The following EEF1D variants were observed in gnomAD, a reference collection of about 807,000 sequenced individuals.
The protein encoded by EEF1D is eukaryotic translation elongation factor 1 delta.
A neutral mutation model predicts 63.9 loss-of-function variants in EEF1D; 47 were observed. That is an observed-to-expected ratio of 0.74 (90% CI 0.58 to 0.94). The LOEUF is 0.94. Ranked by LOEUF, EEF1D falls within the 40% of genes least tolerant of loss-of-function variation. EEF1D has a pLI of 0.00. For synonymous variants in EEF1D, 412 were observed against 386.1 expected (o/e 1.07, Z -0.79); for missense variants, 907 against 899.0 (o/e 1.01, Z -0.11).
At chr8:143,584,791 G>A (rs1826252098) in intron 5 of EEF1D, among the ~76,000 whole-genome samples, 2 of 152,112 alleles carry the variant, frequency 1.3e-5, no homozygotes, top group Non-Finnish European at 2.9e-5. Context: ...ACACAGGAGC[G>A]CTCCCTTCAA....
chr8:143,582,866 C>T (rs1310916844), intron 5 of EEF1D: 2 of 152,386 alleles, frequency 1.3e-5, no homozygotes, highest in East Asian at 1.9e-4. Flanking sequence ...AAGGCAAACA[C>T]TTCAGAGCCA....
Position 143,580,705 on chromosome 8 carries a change from ACTTGG to A in EEF1D, c.1506_1510del (p.Gln503GlyfsTer14). 6.2e-7 allele frequency: 1 copy of A among 1,613,452 alleles called. No individual in the cohort carries two copies. The highest frequency in any genetic ancestry group is 8.5e-7 in the Non-Finnish European group (1 of 1,179,988). ...GGCTGGCTTCTTGGCTGGGGGCTCC[ACTTGG>A]CGCATGGGAGATACGTGCTGCCACA... is the stretch of plus-strand genomic sequence containing the variant. On this transcript the variant is annotated frameshift_variant, in exon 8 of 10. Coordinates refer to ENST00000618139, the MANE Select transcript of EEF1D (RefSeq NM_001130053.5). LOFTEE classifies it high-confidence loss of function.
At chr8:143,595,291 G>T (rs994955141) in intron 1 of EEF1D, among the ~76,000 whole-genome samples, 1 of 152,084 alleles carries the variant, frequency 6.6e-6, no homozygotes, top group East Asian at 1.9e-4. Flanking sequence ...GGCTGGTCTC[G>T]AACTCCTGAC....
At chr8:143,580,299 C>A in intron 8 of EEF1D, 93 bp from the exon 9 acceptor site, 1 of 1,372,688 alleles carries the variant, frequency 7.3e-7, no homozygotes, top group East Asian at 2.5e-5. Flanking sequence ...ACTGTGTGTC[C>A]ACAATTCTGT....
Position 143,586,817 on chromosome 8 carries a change from T to A in EEF1D, c.1127A>T (p.Lys376Met). Residue 376 changes from lysine (K) to methionine (M), a missense_variant, in exon 4 of 10, where the codon AAG becomes ATG. Coordinates refer to ENST00000618139, the MANE Select transcript of EEF1D (RefSeq NM_001130053.5). ...KMATNFLAHE[K>M]IWFDKFKYDD... is the part of the protein sequence containing the mutation. ...ATATTTGAACTTGTCGAACCAGATC[T>A]TCTCATGTGCTAGGAAGTTTGTAGC... 1 of 1,614,176 alleles carries A rather than the reference T, an allele frequency of 6.2e-7. No individual in the cohort carries two copies.
At position 143,589,773 on chromosome 8, in the gene EEF1D, G is replaced by A. The variant is rs143180580; in HGVS notation, c.309C>T (p.Leu103=). The A allele has an allele frequency of 1.9e-6, 3 of 1,556,322 alleles. No homozygotes were observed. Among genetic ancestry groups the A allele is most frequent in the Non-Finnish European group, 1.7e-6 (2 of 1,153,414 alleles). Residue 103 remains leucine, a synonymous_variant, in exon 3 of 10, where the codon CTC becomes CTT. Transcript: ENST00000618139. ...ACACGCGTTCGGCCGAGAGGCCCAG[G>A]AGGGCCAGGTCCGCGGGGCCGAGCC... ...KSGLGPADLA[L]LGLSAERVWL...
intron 8 of EEF1D, 73 bp from the exon 9 acceptor site, chr8:143,580,279 A>G: frequency 1.4e-6 from 2 of 1,451,510 alleles, no homozygotes; most frequent in South Asian, 2.5e-5. Context: ...CATGCACCCT[A>G]CCCTCAACCA....
Position 143,579,776 on chromosome 8 carries a change from T to C in EEF1D, c.*16A>G, listed in dbSNP as rs11548161. ...GCAGGGCCTCACGCACGCGCGCACG[T>C]ACACACACTCAGGCTTCAGATCTTG... On this transcript the variant is annotated 3_prime_UTR_variant, in exon 10 of 10. Transcript: ENST00000618139. 2 of 1,550,794 alleles carry C rather than the reference T, an allele frequency of 1.3e-6. No homozygotes were observed. The highest frequency in any genetic ancestry group is 2.3e-5 in the East Asian group (1 of 44,220).
At position 143,581,278 on chromosome 8, in the gene EEF1D, G is replaced by A. The variant is rs369097028; in HGVS notation, c.1338C>T (p.Leu446=). ...CTTCCAGACTGGCAATCCGGACGACGAGCTCACCGTGGTCTCCGCTGGTGC... is the reference window on the plus strand; with the variant it reads ...CTTCCAGACTGGCAATCCGGACGACAAGCTCACCGTGGTCTCCGCTGGTGC... ...SSGTSGDHGE[L]VVRIASLEVE... Residue 446 remains leucine, a synonymous_variant, in exon 6 of 10, where the codon CTC becomes CTT. Coordinates refer to ENST00000618139, the MANE Select transcript of EEF1D (RefSeq NM_001130053.5). The A allele has an allele frequency of 5.3e-5, 85 of 1,612,452 alleles. 1 individual carries two copies. The South Asian group carries it at 7.9e-4, about 15-fold the overall frequency.
At chr8:143,583,804 A>C (rs185977700) in intron 5 of EEF1D, 258 of 152,428 alleles carry the variant, frequency 1.7e-3, no homozygotes, top group African/African-American at 5.6e-3. Flanking sequence ...TAGATGTGAT[A>C]AGATTAAGTT....
chr8:143,593,635 G>A lies in EEF1D; in HGVS notation c.-14-975C>T, dbSNP rs73718110. Among the ~76,000 whole-genome samples the A allele has an allele frequency of 5.2e-3, 794 of 152,240 alleles. 10 individuals carry two copies. The highest frequency in any genetic ancestry group is 0.018 in the African/African-American group (753 of 41,552). ...GGTCTGGTGGAGACGAGGATGCTAC[G>A]GAGGCAGCTGCCCCATGGGACCAGT... On this transcript the variant is annotated intron_variant, in intron 1 of 9. Coordinates refer to ENST00000618139, the MANE Select transcript of EEF1D (RefSeq NM_001130053.5).
At chr8:143,582,844 T>C (rs997176597) in intron 5 of EEF1D, 3 of 152,116 alleles carry the variant, frequency 2.0e-5, no homozygotes, top group African/African-American at 7.2e-5. Flanking sequence ...CTCAGGGACT[T>C]GGGGGATGCC....
chr8:143,587,653 G>A (rs1826960439), intron 3 of EEF1D: 1 of 152,268 alleles, frequency 6.6e-6, no homozygotes, highest in African/African-American at 2.4e-5. Context: ...AATTGCTAAT[G>A]TGGTAAAAAT....
At position 143,579,730 on chromosome 8, in the gene EEF1D, C is replaced by A. The variant is rs756109944; in HGVS notation, c.*62G>T. ...AATGACCAGGACGGAGCCAGAGGGC[C>A]GGTCTCAGTCTTTAATCGTGGCAGG... On this transcript the variant is annotated 3_prime_UTR_variant, in exon 10 of 10. Transcript: ENST00000618139. The A allele has an allele frequency of 6.7e-7, 1 of 1,502,332 alleles. No homozygotes were observed. 93.1% of individuals were successfully genotyped at this position (1,502,332 alleles called of 1,614,324 possible).
chr8:143,582,896 G>GT (rs1825831025), intron 5 of EEF1D: 1 of 152,384 alleles, frequency 6.6e-6, no homozygotes, highest in Non-Finnish European at 1.5e-5. Context: ...CTGTAACCCT[G>GT]TGCCAGCACC....
Position 143,589,586 on chromosome 8 carries a change from T to C in EEF1D, c.496A>G (p.Asn166Asp). ...CHHVTWGIWVNKSSFDQAERA... is the reference protein window; with the variant it reads ...CHHVTWGIWVDKSSFDQAERA... The stretch of plus-strand genomic sequence containing the variant: ...TCAGCCTGGTCGAAGGAGGACTTGT[T>C]GACCCAGATCCCCCAGGTCACGTGG... The change falls in exon 3 of 10, where the codon AAC (asparagine) becomes GAC (aspartate). Residue 166 changes from asparagine to aspartate, a missense_variant. Physicochemically the swap from Asn to Asp is conservative, Grantham distance 23. Transcript: ENST00000618139. 6.6e-7 allele frequency: 1 copy of C among 1,521,444 alleles called. No individual in the cohort carries two copies. Among genetic ancestry groups the C allele is most frequent in the Non-Finnish European group, 8.8e-7 (1 of 1,133,942 alleles). The allele number at this position is 1,521,444 out of a possible 1,614,324, so 94.2% of individuals were successfully genotyped here.
At chr8:143,580,958 G>A in intron 7 of EEF1D, 96 bp downstream of exon 7, 1 of 1,379,944 alleles carries the variant, frequency 7.2e-7, no homozygotes, top group South Asian at 1.2e-5. Context: ...CTGGCTGCCA[G>A]CTCATCACTG....
At chr8:143,590,662 T>C (rs1827791439) in intron 2 of EEF1D, 1 of 900,076 alleles carries the variant, frequency 1.1e-6, no homozygotes, top group Non-Finnish European at 1.3e-6. Context: ...CCCAACACTT[T>C]GGGAGGCCGA....
In EEF1D at chr8:143,579,803, T is replaced by C. The variant is rs2130726159; in HGVS notation, c.1933A>G (p.Asn645Asp). 6.4e-7 allele frequency: 1 copy of C among 1,565,580 alleles called. No individual in the cohort carries two copies. Among genetic ancestry groups the C allele is most frequent in the African/African-American group, 1.4e-5 (1 of 73,662 alleles). Residue 645 changes from asparagine (N) to aspartate (D), a missense_variant, in exon 10 of 10, where the codon AAC becomes GAC. Asn to Asp is a conservative substitution (Grantham distance 23, BLOSUM62 1). Coordinates refer to ENST00000618139, the MANE Select transcript of EEF1D (RefSeq NM_001130053.5). ...CACACACTCAGGCTTCAGATCTTGTTGAAAGCTGCGATATCGACACTCTGC... is the reference window on the plus strand; with the variant it reads ...CACACACTCAGGCTTCAGATCTTGTCGAAAGCTGCGATATCGACACTCTGC... ...HVQSVDIAAF[N>D]KI is the part of the protein sequence containing the mutation.
Sources: gnomAD v4.1 joint callset for allele counts (sites outside exome capture counted in the v4.1 genomes callset) on GRCh38, gnomAD v4.1.1 for gene constraint, MANE v1.5 for transcripts, NCBI Gene and HGNC (gene_info 2026-07-23, HGNC 2026-07-21) for gene names.